The following SRGAP3 variants were observed in gnomAD, a reference collection of about 807,000 sequenced individuals.
The protein encoded by SRGAP3 is SLIT-ROBO Rho GTPase-activating protein 3.
SRGAP3 carries 39 observed loss-of-function variants against 121.1 expected under a neutral mutation model. The ratio of observed to expected loss-of-function variants is 0.32; its 90% CI spans 0.25 to 0.42. The LOEUF (loss-of-function observed/expected upper bound fraction) is 0.42. Ranked by LOEUF, SRGAP3 falls within the 10% of genes least tolerant of loss-of-function variation. SRGAP3 has a pLI of 1.00. For missense variants in SRGAP3, 1,213 were observed against 1,470.6 expected, an observed-to-expected ratio of 0.82 and a Z score of 2.86; for synonymous variants, 601 against 570.0, an observed-to-expected ratio of 1.05 and a Z score of -0.77.
chr3:9,013,547 G>C lies in SRGAP3; in HGVS notation c.1920-12C>G. On this transcript the variant is annotated splice_polypyrimidine_tract_variant and intron_variant, in intron 16 of 21. Coordinates refer to ENST00000383836, the MANE Select transcript of SRGAP3 (RefSeq NM_014850.4). ...TATACTGGGAGAGGCTAGGAGAGAG[G>C]AGTTACCCACAAGTCATCTGGGAAA... 6.2e-7 allele frequency: 1 copy of C among 1,613,796 alleles called. No individual in the cohort carries two copies. The highest frequency in any genetic ancestry group is 8.5e-7 in the Non-Finnish European group (1 of 1,179,834).
intron 1 of SRGAP3, among the ~76,000 whole-genome samples, chr3:9,134,191 G>T (rs1054294416): frequency 6.6e-6 from 1 of 152,186 alleles, no homozygotes; most frequent in Non-Finnish European, 1.5e-5. Flanking sequence ...GCCAGAGTAT[G>T]ACAGCAAAGA....
intron 1 of SRGAP3, among the ~76,000 whole-genome samples, chr3:9,197,840 C>T (rs1287339821): frequency 1.3e-5 from 2 of 152,238 alleles, no homozygotes; most frequent in Non-Finnish European, 2.9e-5. Flanking sequence ...GGGCTTCCTT[C>T]ACAGCCATGG....
intron 4 of SRGAP3, among the ~76,000 whole-genome samples, chr3:9,072,982 C>T (rs967101806): frequency 3.9e-5 from 6 of 152,220 alleles, no homozygotes; most frequent in Non-Finnish European, 5.9e-5. Context: ...CAAAGCTTCT[C>T]GCCTGCTGCT....
chr3:9,143,811 C>T (rs1949938774), intron 1 of SRGAP3, among the ~76,000 whole-genome samples: 1 of 152,148 alleles, frequency 6.6e-6, no homozygotes, highest in South Asian at 2.1e-4. Context: ...CCTGAGGAGA[C>T]AACACCTTGA....
chr3:9,079,987 C>A (rs773755900), intron 4 of SRGAP3, 38 bp downstream of exon 4: 1 of 1,612,396 alleles, frequency 6.2e-7, no homozygotes, highest in South Asian at 1.1e-5. Flanking sequence ...AGACAGAGAC[C>A]CAATCCCAAA....
intron 18 of SRGAP3, among the ~76,000 whole-genome samples, chr3:8,996,917 G>A (rs991292165): frequency 3.9e-5 from 6 of 152,182 alleles, no homozygotes; most frequent in African/African-American, 9.7e-5. Flanking sequence ...GGCTGCCTCC[G>A]GTTTCTGCCT....
intron 3 of SRGAP3, among the ~76,000 whole-genome samples, chr3:9,286,838 A>G (rs1229835709): frequency 6.6e-6 from 1 of 151,506 alleles, no homozygotes; most frequent in African/African-American, 2.4e-5. Flanking sequence ...TCCTGACCTC[A>G]TGATCTGCCT....
chr3:9,082,179 T>A (rs1387757935), intron 3 of SRGAP3, among the ~76,000 whole-genome samples: 9 of 152,168 alleles, frequency 5.9e-5, no homozygotes. Flanking sequence ...AAATGCCTGC[T>A]CCACCCTCAC....
At chr3:9,279,323 C>T (rs557482482) in intron 3 of SRGAP3, among the ~76,000 whole-genome samples, 129 of 151,910 alleles carry the variant, frequency 8.5e-4, no homozygotes, top group Non-Finnish European at 1.7e-3. Flanking sequence ...AGTGCTATTA[C>T]CTGAAAAGGG....
At chr3:9,092,110 G>T (rs1947783025) in intron 3 of SRGAP3, among the ~76,000 whole-genome samples, 1 of 151,914 alleles carries the variant, frequency 6.6e-6, no homozygotes, top group Non-Finnish European at 1.5e-5. Flanking sequence ...CTAGCACCGT[G>T]GCCAGCATTT....
intron 12 of SRGAP3, among the ~76,000 whole-genome samples, chr3:9,032,050 G>C (rs1336030912): frequency 6.6e-6 from 1 of 152,174 alleles, no homozygotes; most frequent in East Asian, 1.9e-4. Context: ...TTAGTTTAAG[G>C]TACAAAGGAT....
At chr3:9,027,292 G>T (rs1052080293) in intron 12 of SRGAP3, among the ~76,000 whole-genome samples, 5 of 152,224 alleles carry the variant, frequency 3.3e-5, no homozygotes, top group African/African-American at 1.2e-4. Context: ...AGTGGAGAGG[G>T]AACCACCTCG....
chr3:9,280,316 A>T (rs948560178), intron 3 of SRGAP3, among the ~76,000 whole-genome samples: 2 of 152,182 alleles, frequency 1.3e-5, no homozygotes, highest in African/African-American at 2.4e-5. Flanking sequence ...TGTGTTGCAC[A>T]CTCAAGGTGC....
chr3:9,087,681 A>T (rs940484216), intron 3 of SRGAP3, among the ~76,000 whole-genome samples: 16 of 152,176 alleles, frequency 1.1e-4, no homozygotes, highest in African/African-American at 3.9e-4. Context: ...CCTGAGACAG[A>T]GGTTGGGTCA....
chr3:9,026,332 A>G (rs1329302955), intron 13 of SRGAP3, among the ~76,000 whole-genome samples: 1 of 152,084 alleles, frequency 6.6e-6, no homozygotes, highest in Non-Finnish European at 1.5e-5. Flanking sequence ...TGCCCTTTTC[A>G]TTGGAAGTGT....
intron 18 of SRGAP3, among the ~76,000 whole-genome samples, chr3:9,003,798 G>A (rs772667965): frequency 5.9e-5 from 9 of 152,106 alleles, no homozygotes; most frequent in African/African-American, 1.9e-4. Flanking sequence ...AACATCATAC[G>A]TAACAGTGAA....
At chr3:9,116,402 G>A (rs1025180038) in intron 2 of SRGAP3, among the ~76,000 whole-genome samples, 2 of 152,218 alleles carry the variant, frequency 1.3e-5, no homozygotes, top group Non-Finnish European at 2.9e-5. Flanking sequence ...ATATACCAGA[G>A]AGAGGGAGAC....
chr3:9,094,287 T>C (rs1285597783), intron 3 of SRGAP3, among the ~76,000 whole-genome samples: 1 of 152,216 alleles, frequency 6.6e-6, no homozygotes, highest in African/African-American at 2.4e-5. Flanking sequence ...TTTATTCACA[T>C]TGATACTTGT....
intron 3 of SRGAP3, among the ~76,000 whole-genome samples, chr3:9,257,697 C>CATTTT (rs1491519262): frequency 1.2e-5 from 1 of 81,192 alleles, no homozygotes; most frequent in Non-Finnish European, 2.9e-5. Flanking sequence ...CAAAATAGCT[C>CATTTT]CTTTTTTTTT....
Sources: allele counts gnomAD v4.1 joint callset (sites outside exome capture counted in the v4.1 genomes callset), GRCh38; gene constraint gnomAD v4.1.1; transcripts MANE v1.5; gene names NCBI Gene and HGNC (gene_info 2026-07-23, HGNC 2026-07-21).